MINDY4: variants seen among roughly 807,000 people sequenced by gnomAD.
MINDY4 encodes the protein probable ubiquitin carboxyl-terminal hydrolase MINDY-4.
Under a neutral mutation model 87.0 loss-of-function variants are expected in MINDY4, and 68 were observed. The observed-to-expected ratio is 0.78, with a 90% CI of 0.64 to 0.96. The LOEUF is 0.96. Ranked by LOEUF, MINDY4 falls within the 40% of genes least tolerant of loss-of-function variation. The probability of loss-of-function intolerance (pLI) is 0.00; values close to 1 mark genes in which losing one functional copy is unlikely to be tolerated. For synonymous variants in MINDY4, 379 were observed against 363.2 expected, an observed-to-expected ratio of 1.04 and a Z score of -0.50; for missense variants, 919 against 928.2, an observed-to-expected ratio of 0.99 and a Z score of 0.13.
At chr7:30,809,358 G>A (rs1279388308) in intron 5 of MINDY4, among the ~76,000 whole-genome samples, 1 of 123,370 alleles carries the variant, frequency 8.1e-6, no homozygotes, top group Non-Finnish European at 1.6e-5. Flanking sequence ...CACCTCACCA[G>A]TTCAGAAGTA....
At chr7:30,799,596 A>C (rs1181394914) in intron 5 of MINDY4, among the ~76,000 whole-genome samples, 1 of 152,236 alleles carries the variant, frequency 6.6e-6, no homozygotes, top group Non-Finnish European at 1.5e-5. Flanking sequence ...ATGGTTCTTA[A>C]ACTGTGATCT....
chr7:30,803,471 C>G (rs902905898), intron 5 of MINDY4: 1 of 152,160 alleles, frequency 6.6e-6, no homozygotes, highest in Admixed American at 6.5e-5. Flanking sequence ...AGATCTGTTT[C>G]AGGGTCAGAT....
chr7:30,850,672 C>A, intron 10 of MINDY4, 117 bp downstream of exon 10: 1 of 904,480 alleles, frequency 1.1e-6, no homozygotes, highest in Non-Finnish European at 1.7e-6. Context: ...GTGCCACATG[C>A]TGGGATGAGC....
chr7:30,887,745 G>A (rs1430338687), intron 17 of MINDY4, among the ~76,000 whole-genome samples: 1 of 152,220 alleles, frequency 6.6e-6, no homozygotes, highest in Non-Finnish European at 1.5e-5. Flanking sequence ...GGTTAAACCA[G>A]CTTTGCCTTG....
At chr7:30,782,271 T>G (rs1201900751) in intron 3 of MINDY4, 59 bp downstream of exon 3, 6 of 1,299,960 alleles carry the variant, frequency 4.6e-6, no homozygotes, top group Non-Finnish European at 6.5e-6. Context: ...CAAATTACTA[T>G]GTACTTCATG....
intron 5 of MINDY4, among the ~76,000 whole-genome samples, chr7:30,812,439 T>C (rs1788033147): frequency 6.6e-6 from 1 of 152,138 alleles, no homozygotes; most frequent in African/African-American, 2.4e-5. Context: ...AAAAAACACA[T>C]GGAATAGACA....
At chr7:30,857,461 G>GTTTTTTT (rs1176212442) in intron 12 of MINDY4, among the ~76,000 whole-genome samples, 2 of 58,996 alleles carry the variant, frequency 3.4e-5, no homozygotes, top group East Asian at 4.5e-4. Flanking sequence ...TATCCACCTT[G>GTTTTTTT]TTTTTTTTTT....
At chr7:30,839,999 T>G (rs1254946308) in intron 8 of MINDY4, among the ~76,000 whole-genome samples, 1 of 152,126 alleles carries the variant, frequency 6.6e-6, no homozygotes, top group Non-Finnish European at 1.5e-5. Context: ...TGCCCCACAC[T>G]GCCTGAGGTC....
intron 17 of MINDY4, among the ~76,000 whole-genome samples, chr7:30,884,901 C>T (rs1790583231): frequency 6.6e-6 from 1 of 152,172 alleles, no homozygotes; most frequent in Admixed American, 6.5e-5. Context: ...TCCTCTTCCT[C>T]TTCTATTGGC....
intron 5 of MINDY4, among the ~76,000 whole-genome samples, chr7:30,809,122 GATTGAAGGTGTTCTCC>G (rs1787906135): frequency 6.6e-6 from 1 of 152,102 alleles, no homozygotes; most frequent in South Asian, 2.1e-4. Flanking sequence ...TGTAATTGAT[GATTGAAGGTGTTCTCC>G]ATAACCCTAT....
chr7:30,806,661 G>A (rs1382897594), intron 5 of MINDY4, among the ~76,000 whole-genome samples: 2 of 152,282 alleles, frequency 1.3e-5, no homozygotes, highest in African/African-American at 4.8e-5. Flanking sequence ...TTCCCCTGGG[G>A]TCAGGCATAT....
intron 7 of MINDY4, among the ~76,000 whole-genome samples, chr7:30,837,382 A>G (rs1326630169): frequency 6.6e-6 from 1 of 152,134 alleles, no homozygotes; most frequent in African/African-American, 2.4e-5. Flanking sequence ...CTGGCCTTTC[A>G]CCAAGATCCA....
chr7:30,850,869 G>A (rs1263215942), intron 10 of MINDY4, among the ~76,000 whole-genome samples: 2 of 152,190 alleles, frequency 1.3e-5, no homozygotes, highest in African/African-American at 4.8e-5. Context: ...CCTGCAGCCA[G>A]CTCCTCTCTA....
chr7:30,888,455 G>A (rs2128583635), intron 17 of MINDY4, among the ~76,000 whole-genome samples: 1 of 152,316 alleles, frequency 6.6e-6, no homozygotes, highest in East Asian at 1.9e-4. Context: ...TAAACTGGCT[G>A]GCTGTCAGCC....
chr7:30,866,824 G>T (rs1789951062), intron 13 of MINDY4, among the ~76,000 whole-genome samples: 1 of 152,068 alleles, frequency 6.6e-6, no homozygotes, highest in Non-Finnish European at 1.5e-5. Flanking sequence ...CTTGGGAAGG[G>T]CTTTGGCCAG....
At chr7:30,804,434 A>G (rs1314442590) in intron 5 of MINDY4, among the ~76,000 whole-genome samples, 1 of 152,228 alleles carries the variant, frequency 6.6e-6, no homozygotes. Context: ...AAGCATTTAT[A>G]GAGTGCCTCT....
At chr7:30,787,439 C>T (rs867052336) in intron 4 of MINDY4, among the ~76,000 whole-genome samples, 40 of 152,288 alleles carry the variant, frequency 2.6e-4, no homozygotes, top group African/African-American at 9.1e-4. Flanking sequence ...GAGATTTCTT[C>T]GAATATGGAG....
At chr7:30,839,577 G>A (rs936324214) in intron 8 of MINDY4, among the ~76,000 whole-genome samples, 3 of 152,202 alleles carry the variant, frequency 2.0e-5, no homozygotes, top group Admixed American at 6.5e-5. Context: ...AGTGGTGCAG[G>A]TGCTGGGATC....
At chr7:30,872,836 G>A (rs1223329086) in intron 14 of MINDY4, among the ~76,000 whole-genome samples, 1 of 152,242 alleles carries the variant, frequency 6.6e-6, no homozygotes, top group Non-Finnish European at 1.5e-5. Flanking sequence ...GGTGACACCA[G>A]GGAAGGGACC....
Sources: allele counts gnomAD v4.1 joint callset (sites outside exome capture counted in the v4.1 genomes callset), GRCh38; gene constraint gnomAD v4.1.1; transcripts MANE v1.5; gene names NCBI Gene and HGNC (gene_info 2026-07-23, HGNC 2026-07-21).